The following PRKCSH variants were observed in gnomAD, a reference collection of about 807,000 sequenced individuals.
The protein encoded by PRKCSH is glucosidase 2 subunit beta.
In PRKCSH, 42 loss-of-function variants were observed where a neutral mutation model predicts 79.7. The ratio of observed to expected loss-of-function variants is 0.53; its 90% CI spans 0.41 to 0.68. PRKCSH has a LOEUF of 0.68. Among genes scored for constraint, PRKCSH ranks in the 30% least tolerant of loss-of-function variants. PRKCSH has a pLI of 0.00. For missense variants in PRKCSH, 686 were observed against 709.0 expected (o/e 0.97, Z 0.37); for synonymous variants, 325 against 288.2 (o/e 1.13, Z -1.29).
In PRKCSH at chr19:11,447,717, C is replaced by A. The variant is rs758472981; in HGVS notation, c.1054C>A (p.Pro352Thr). The A allele has an allele frequency of 6.3e-7, 1 of 1,588,116 alleles. No homozygotes were observed. The highest frequency in any genetic ancestry group is 2.3e-5 in the East Asian group (1 of 43,940). ...GGAGGCCCCACCGCCACTGTCACCC[C>A]CGCAGCCGGCCAGCCCTGCTGAGGA... ...PKEAPPPLSPPQPASPAEEDK... is the reference protein window; with the variant it reads ...PKEAPPPLSPTQPASPAEEDK... The change falls in exon 12 of 18, where the codon CCG becomes ACG. Residue 352 changes from proline to threonine, a missense_variant. Around this residue, in one of 2 missense-constraint regions of PRKCSH, gnomAD observed 549 missense variants for 520.2 expected, o/e 1.06. Coordinates refer to ENST00000677123, the MANE Select transcript of PRKCSH (RefSeq NM_001289104.2). This position sits in a 1 kb window ranked among gnomAD's most constrained non-coding sequence, Gnocchi z 5.6.
At chr19:11,441,481 A>G in intron 6 of PRKCSH, 124 bp downstream of exon 6, 1 of 888,516 alleles carries the variant, frequency 1.1e-6, no homozygotes, top group Admixed American at 1.7e-5. Context: ...TGCCTTTCGG[A>G]GCTTTGCTTT....
In PRKCSH at chr19:11,435,669, AG is replaced by A; in HGVS notation, c.-111del. ...GCAGGAACCGCGGCTGCTGGACAAG[AG>A]GGGTGCGGTGGATACTGACCTTTGC... On this transcript the variant is annotated 5_prime_UTR_variant, in exon 1 of 18. Transcript: ENST00000677123. 1 of 1,299,638 alleles carries A rather than the reference AG, an allele frequency of 7.7e-7. No homozygotes were observed. The highest frequency in any genetic ancestry group is 1.0e-6 in the Non-Finnish European group (1 of 995,792). 80.5% of individuals were successfully genotyped at this position (1,299,638 alleles called of 1,614,324 possible).
rs1412660195 is a variant in PRKCSH, at chr19:11,448,492, G to A, written c.1197-48G>A. 1.3e-6 allele frequency: 2 copies of A among 1,555,584 alleles called. No homozygotes were observed. The highest frequency in any genetic ancestry group is 2.2e-5 in the South Asian group (2 of 89,860). ...TCCTGTGTCTGTCGTCCTGGGTCAG[G>A]CACTGGCGTCCCCAGCTGCCCCTTA... On this transcript the variant is annotated intron_variant, in intron 13 of 17. Coordinates refer to ENST00000677123, the MANE Select transcript of PRKCSH (RefSeq NM_001289104.2). The surrounding 1 kb of genome is among the most constrained non-coding windows in gnomAD (Gnocchi z 4.4).
Position 11,450,833 on chromosome 19 carries a change from C to G in PRKCSH, c.*204C>G, listed in dbSNP as rs1174323922. 1.3e-5 allele frequency: 2 copies of G among 152,344 alleles called. No individual in the cohort carries two copies. Among genetic ancestry groups the G allele is most frequent in the African/African-American group, 4.8e-5 (2 of 41,472 alleles). The allele number at this position is 152,344 out of a possible 1,614,324, so 9.4% of individuals were successfully genotyped here. ...CAGCCTTCAAAGATGGGTAAAGGAG[C>G]TTGCCCTCCCTGGGCCCCCCACCTT... On this transcript the variant is annotated 3_prime_UTR_variant, in exon 18 of 18. Coordinates refer to ENST00000677123, the MANE Select transcript of PRKCSH (RefSeq NM_001289104.2).
At chr19:11,436,636 T>C (rs1032777623) in intron 3 of PRKCSH, 131 bp downstream of exon 3, 4 of 825,486 alleles carry the variant, frequency 4.8e-6, no homozygotes, top group Non-Finnish European at 6.0e-6. Context: ...CAGAAGTCAG[T>C]GGTCAGTGTT....
intron 7 of PRKCSH, among the ~76,000 whole-genome samples, chr19:11,443,705 A>G (rs1970169528): frequency 6.6e-6 from 1 of 152,140 alleles, no homozygotes; most frequent in African/African-American, 2.4e-5. Flanking sequence ...GCAATACTTC[A>G]TCTAAAAAAA....
Position 11,447,033 on chromosome 19 carries a change from CGTG to C in PRKCSH, c.763-36_763-34del. On this transcript the variant is annotated intron_variant, in intron 9 of 17. Coordinates refer to ENST00000677123, the MANE Select transcript of PRKCSH (RefSeq NM_001289104.2). This position sits in a 1 kb window ranked among gnomAD's most constrained non-coding sequence, Gnocchi z 5.6. ...GCCGGGGTGGCCGAGATGGGGGACA[CGTG>C]GTGGCCTAGATCTTGACACCACCCC... The C allele has an allele frequency of 1.3e-6, 2 of 1,594,018 alleles. No individual in the cohort carries two copies. Among genetic ancestry groups the C allele is most frequent in the East Asian group, 4.5e-5 (2 of 44,736 alleles).
chr19:11,444,304 C>T (rs563500046), intron 7 of PRKCSH, among the ~76,000 whole-genome samples: 3 of 152,230 alleles, frequency 2.0e-5, no homozygotes, highest in Middle Eastern at 3.4e-3. Flanking sequence ...GAGGGAAGCG[C>T]CATGTTTTGA....
In PRKCSH at chr19:11,442,243, C is replaced by T; in HGVS notation, c.469-143C>T. On this transcript the variant is annotated intron_variant, in intron 6 of 17. Coordinates refer to ENST00000677123, the MANE Select transcript of PRKCSH (RefSeq NM_001289104.2). ...CTTCTCTCCAGAGGGCTACAGGGAA[C>T]CCCAGCTCGGGAGAGAGACCCAGCT... The T allele has an allele frequency of 3.2e-6, 4 of 1,242,942 alleles. No homozygotes were observed. In the South Asian group the frequency reaches 5.2e-5, roughly 16 times the overall value. The allele number at this position is 1,242,942 out of a possible 1,614,324, so 77.0% of individuals were successfully genotyped here.
In PRKCSH at chr19:11,442,195, C is replaced by T. The variant is rs115878914; in HGVS notation, c.469-191C>T. 7.2e-3 allele frequency among the ~76,000 whole-genome samples: 1,089 copies of T among 152,244 alleles called. 10 individuals carry two copies. The highest frequency in any genetic ancestry group is 0.025 in the African/African-American group (1,033 of 41,532). On this transcript the variant is annotated intron_variant, in intron 6 of 17. Coordinates refer to ENST00000677123, the MANE Select transcript of PRKCSH (RefSeq NM_001289104.2). ...AGGGGCCTGATTACCTGGGCCCTTGCGGGCTACATTGAGGCGTTTGGGCTT... is the reference window on the plus strand; with the variant it reads ...AGGGGCCTGATTACCTGGGCCCTTGTGGGCTACATTGAGGCGTTTGGGCTT...
Position 11,449,713 on chromosome 19 carries a change from T to C in PRKCSH, c.*16+285T>C. The C allele has an allele frequency of 2.3e-6, 1 of 442,184 alleles. No individual in the cohort carries two copies. Among genetic ancestry groups the C allele is most frequent in the Non-Finnish European group, 4.2e-6 (1 of 237,874 alleles). 27.4% of individuals were successfully genotyped at this position (442,184 alleles called of 1,614,324 possible). ...GTGCACCACCATGCCTGGCTAATTT[T>C]TAGTAGAGATGGGGTTTCACCATGT... On this transcript the variant is annotated intron_variant, in intron 17 of 17. Transcript: ENST00000677123. This position sits in a 1 kb window ranked among gnomAD's most constrained non-coding sequence, Gnocchi z 6.4.
Position 11,447,013 on chromosome 19 carries a change from G to C in PRKCSH, c.763-61G>C, listed in dbSNP as rs2144844333. 29 of 1,565,982 alleles carry C rather than the reference G, an allele frequency of 1.9e-5. No homozygotes were observed. The South Asian group carries it at 3.0e-4, about 16-fold the overall frequency. ...CCTGGCACCGCAGCCCGGGTGCCGG[G>C]GTGGCCGAGATGGGGGACACGTGGT... On this transcript the variant is annotated intron_variant, in intron 9 of 17. Coordinates refer to ENST00000677123, the MANE Select transcript of PRKCSH (RefSeq NM_001289104.2). The surrounding 1 kb of genome is among the most constrained non-coding windows in gnomAD (Gnocchi z 5.6).
At chr19:11,440,478 G>A (rs1184196600) in intron 5 of PRKCSH, among the ~76,000 whole-genome samples, 4 of 141,452 alleles carry the variant, frequency 2.8e-5, no homozygotes, top group South Asian at 2.3e-4. Context: ...TTAGAGTCTC[G>A]CTCTGTTGCC....
Position 11,449,703 on chromosome 19 carries a change from T to G in PRKCSH, c.*16+275T>G, listed in dbSNP as rs1237856284. On this transcript the variant is annotated intron_variant, in intron 17 of 17. Transcript: ENST00000677123. This position sits in a 1 kb window ranked among gnomAD's most constrained non-coding sequence, Gnocchi z 6.4. ...GATTACAGGTGTGCACCACCATGCC[T>G]GGCTAATTTTTAGTAGAGATGGGGT... 3.7e-5 allele frequency: 17 copies of G among 463,788 alleles called. 1 individual carries two copies. Among genetic ancestry groups the G allele is most frequent in the South Asian group, 3.0e-4 (14 of 47,184 alleles). 28.7% of individuals were successfully genotyped at this position (463,788 alleles called of 1,614,324 possible).
At chr19:11,436,777 CA>C (rs759247673) in intron 3 of PRKCSH, 9 of 450,518 alleles carry the variant, frequency 2.0e-5, no homozygotes, top group Non-Finnish European at 3.7e-5. Context: ...TCAACACGGG[CA>C]AACCCCTAGA....
intron 7 of PRKCSH, among the ~76,000 whole-genome samples, chr19:11,444,475 G>T (rs1353289372): frequency 6.6e-6 from 1 of 152,196 alleles, no homozygotes; most frequent in Non-Finnish European, 1.5e-5. Flanking sequence ...GTGAGACTCA[G>T]AACAGTGTCA....
rs1970372515 is a variant in PRKCSH, at chr19:11,447,544, G to A, written c.955G>A (p.Glu319Lys). 6.2e-7 allele frequency: 1 copy of A among 1,605,460 alleles called. No homozygotes were observed. Among genetic ancestry groups the A allele is most frequent in the East Asian group, 2.2e-5 (1 of 44,692 alleles). ...GCCCACAGAGGAGGAGGAGGAGGAG[G>A]AGGAGGAGGAGGAAGAAGAGGCTGA... ...SSPTEEEEEE[E>K]EEEEEEAEEE... The change falls in exon 11 of 18, where the codon GAG (glutamate) becomes AAG (lysine). Residue 319 changes from glutamate (E) to lysine (K), a missense_variant. By Grantham distance (56) the Glu-to-Lys change is moderately conservative. Around this residue, in one of 2 missense-constraint regions of PRKCSH, gnomAD observed 549 missense variants for 520.2 expected, o/e 1.06. Transcript: ENST00000677123. The surrounding 1 kb of genome is among the most constrained non-coding windows in gnomAD (Gnocchi z 5.6).
chr19:11,450,872 A>G lies in PRKCSH; in HGVS notation c.*243A>G, dbSNP rs1261280984. On this transcript the variant is annotated 3_prime_UTR_variant, in exon 18 of 18. Transcript: ENST00000677123. The stretch of plus-strand genomic sequence containing the variant: ...GCCCCCCACCTTGGTGACTCGCCCC[A>G]CCACCCCCAGCCCTGTCCCTGCCAC... 1 of 145,832 alleles carries G rather than the reference A, an allele frequency of 6.9e-6. No individual in the cohort carries two copies. The highest frequency in any genetic ancestry group is 2.0e-4 in the East Asian group (1 of 5,034). 9.0% of individuals were successfully genotyped at this position (145,832 alleles called of 1,614,324 possible). A position where few individuals can be genotyped will look rare whatever the true frequency, so the allele number is the denominator to read the frequency against.
Position 11,447,743 on chromosome 19 carries a change from A to G in PRKCSH, c.1080A>G (p.Glu360=). The G allele has an allele frequency of 6.3e-7, 1 of 1,597,114 alleles. No individual in the cohort carries two copies. The highest frequency in any genetic ancestry group is 8.5e-7 in the Non-Finnish European group (1 of 1,172,366). Residue 360 remains glutamate, a synonymous_variant, in exon 12 of 18, where the codon GAA becomes GAG. Coordinates refer to ENST00000677123, the MANE Select transcript of PRKCSH (RefSeq NM_001289104.2). This position sits in a 1 kb window ranked among gnomAD's most constrained non-coding sequence, Gnocchi z 5.6. ...CGCAGCCGGCCAGCCCTGCTGAGGA[A>G]GACAAAATGCCGCCCTACGACGAGC... ...SPPQPASPAE[E]DKMPPYDEQT... is the part of the protein sequence containing the mutation.
Sources: allele counts gnomAD v4.1 joint callset (sites outside exome capture counted in the v4.1 genomes callset), GRCh38; gene constraint gnomAD v4.1.1; regional missense constraint gnomAD v4.1.1; non-coding constraint Gnocchi (gnomAD v3.1); transcripts MANE v1.5; gene names NCBI Gene and HGNC (gene_info 2026-07-23, HGNC 2026-07-21).